Variants in PAICS observed in about 807,000 individuals in gnomAD.
PAICS encodes phosphoribosylaminoimidazole carboxylase and phosphoribosylaminoimidazolesuccinocarboxamide synthase, also known as bifunctional phosphoribosylaminoimidazole carboxylase/phosphoribosylaminoimidazole succinocarboxamide synthetase.
A neutral mutation model predicts 53.7 loss-of-function variants in PAICS; 33 were observed. That is an observed-to-expected ratio of 0.61 (90% confidence interval 0.47 to 0.82). The LOEUF (loss-of-function observed/expected upper bound fraction) is 0.82. PAICS is among the 40% of genes least tolerant of loss of function. The pLI, the probability that PAICS is intolerant of heterozygous loss-of-function variation, is 0.00. For missense variants in PAICS, 394 were observed against 494.1 expected, an observed-to-expected ratio of 0.80 and a Z score of 1.92; for synonymous variants, 141 against 167.2, an observed-to-expected ratio of 0.84 and a Z score of 1.21.
chr4:56,450,678 T>G lies in PAICS; in HGVS notation c.747T>G (p.Phe249Leu). The G allele has an allele frequency of 6.5e-7, 1 of 1,531,028 alleles. No homozygotes were observed. The allele number at this position is 1,531,028 out of a possible 1,614,324, so 94.8% of individuals were successfully genotyped here. ...GGCTCCAAATGGTAAAGAAAAACTT[T>G]GAGTGGGTTGCAGAGAGAGTAGAGG... ...PEGLQMVKKN[F>L]EWVAERVELL... The change falls in exon 6 of 9, where the codon TTT becomes TTG. Residue 249 changes from phenylalanine to leucine, a missense_variant. Coordinates refer to ENST00000512576, the MANE Select transcript of PAICS (RefSeq NM_001079524.2).
At chr4:56,418,482 G>A in the PAICS span, among the ~76,000 whole-genome samples, 2 of 151,908 alleles carry the variant, frequency 1.3e-5, no homozygotes, top group African/African-American at 2.4e-5. Context: ...ACCAAGCCTG[G>A]CTAATTTTTG....
the PAICS span, among the ~76,000 whole-genome samples, chr4:56,419,338 A>C: frequency 6.6e-6 from 1 of 152,124 alleles, no homozygotes; most frequent in Admixed American, 6.5e-5. Flanking sequence ...CTACATACTA[A>C]AGGAGTGGTA....
At chr4:56,413,715 G>T in the PAICS span, among the ~76,000 whole-genome samples, 2 of 151,784 alleles carry the variant, frequency 1.3e-5, no homozygotes, top group African/African-American at 4.8e-5. Context: ...GACCAACATG[G>T]TGAAACCCCG....
intron 2 of PAICS, chr4:56,446,285 A>G (rs1392732938): frequency 1.1e-5 from 8 of 703,690 alleles, no homozygotes; most frequent in South Asian, 4.5e-5. Flanking sequence ...GCATTAAACA[A>G]TAACTATTCC....
chr4:56,454,592 CTT>C (rs996945546), intron 8 of PAICS, among the ~76,000 whole-genome samples: 3 of 152,058 alleles, frequency 2.0e-5, no homozygotes, highest in African/African-American at 4.8e-5. Context: ...TTGATAATCT[CTT>C]GATTTTTTAA....
the PAICS span, chr4:56,419,700 C>A: frequency 4.1e-6 from 4 of 982,152 alleles, no homozygotes; most frequent in Non-Finnish European, 4.8e-6. Context: ...CTGGACTGTG[C>A]CAGAAGTCAG....
chr4:56,410,710 T>C, the PAICS span: 3 of 986,674 alleles, frequency 3.0e-6, no homozygotes, highest in Non-Finnish European at 3.6e-6. Context: ...AGTACAAAAA[T>C]CTCAAATATG....
At chr4:56,444,798 CG>C (rs1311403736) in intron 2 of PAICS, among the ~76,000 whole-genome samples, 1 of 151,906 alleles carries the variant, frequency 6.6e-6, no homozygotes, top group African/African-American at 2.4e-5. Context: ...TTGGGATTGG[CG>C]GGGGGATCTC....
chr4:56,448,872 T>G (rs1027125737), intron 5 of PAICS, 49 bp downstream of exon 5: 1 of 1,003,364 alleles, frequency 1.0e-6, no homozygotes, highest in Non-Finnish European at 1.5e-6. Context: ...CAAGCTGAGA[T>G]AGAGGAGAAA....
At chr4:56,449,653 A>T (rs966219715) in intron 5 of PAICS, among the ~76,000 whole-genome samples, 4 of 152,090 alleles carry the variant, frequency 2.6e-5, no homozygotes, top group African/African-American at 9.7e-5. Context: ...TGTGATATAC[A>T]CACACCATGG....
chr4:56,456,838 A>C (rs1719234807), intron 8 of PAICS, among the ~76,000 whole-genome samples: 1 of 151,008 alleles, frequency 6.6e-6, no homozygotes, highest in Non-Finnish European at 1.5e-5. Flanking sequence ...TCTGGAGATG[A>C]TTATAGTCTG....
At chr4:56,439,734 C>T (rs937717883) in intron 1 of PAICS, among the ~76,000 whole-genome samples, 3 of 152,086 alleles carry the variant, frequency 2.0e-5, no homozygotes, top group African/African-American at 4.8e-5. Flanking sequence ...TGGCCCACTG[C>T]GGCCTCGACC....
chr4:56,422,595 T>G, the PAICS span: 2 of 151,852 alleles, frequency 1.3e-5, no homozygotes, highest in Admixed American at 1.3e-4. Flanking sequence ...TATTCATATA[T>G]TGAAGCCTTA....
intron 2 of PAICS, among the ~76,000 whole-genome samples, chr4:56,444,950 C>A (rs1369542813): frequency 6.6e-6 from 1 of 152,128 alleles, no homozygotes; most frequent in Non-Finnish European, 1.5e-5. Context: ...GATGTAGTTA[C>A]CACCCCAAGT....
At chr4:56,436,236 G>A, upstream of PAICS, 3 of 1,546,652 alleles carry the variant, frequency 1.9e-6, no homozygotes, top group Non-Finnish European at 2.6e-6. Flanking sequence ...GCCCAGCGAA[G>A]CTCTCTGACC....
upstream of PAICS, chr4:56,435,615 T>C: frequency 6.7e-7 from 1 of 1,492,236 alleles, no homozygotes. Context: ...CCCCAGCTAC[T>C]GCGGCGGCGC....
chr4:56,416,069 C>CAAAA, the PAICS span, among the ~76,000 whole-genome samples: 1 of 139,452 alleles, frequency 7.2e-6, no homozygotes, highest in Non-Finnish European at 1.6e-5. Context: ...GACTCTGTCT[C>CAAAA]AAAAAAAAAA....
At chr4:56,422,367 T>C in the PAICS span, 1 of 152,238 alleles carries the variant, frequency 6.6e-6, no homozygotes, top group Admixed American at 6.5e-5. Context: ...CAGTCATTGC[T>C]GGAGATGTAG....
the PAICS span, among the ~76,000 whole-genome samples, chr4:56,417,993 C>G: frequency 2.0e-5 from 3 of 151,966 alleles, no homozygotes; most frequent in African/African-American, 7.3e-5. Flanking sequence ...GTGTGCACCA[C>G]ACACCCAACT....
Sources: gnomAD v4.1 joint callset for allele counts (sites outside exome capture counted in the v4.1 genomes callset) on GRCh38, gnomAD v4.1.1 for gene constraint, MANE v1.5 for transcripts, NCBI Gene and HGNC (gene_info 2026-07-23, HGNC 2026-07-21) for gene names.